TUSC3: variants seen among roughly 807,000 people sequenced by gnomAD.
TUSC3 encodes dolichyl-diphosphooligosaccharide--protein glycosyltransferase subunit TUSC3.
A neutral mutation model predicts 44.8 loss-of-function variants in TUSC3; 45 were observed. The ratio of observed to expected loss-of-function variants is 1.00; its 90% CI spans 0.79 to 1.29. TUSC3 has a LOEUF of 1.29. Ranked by LOEUF, TUSC3 falls within the 50% of genes most tolerant of loss-of-function variation. The probability of loss-of-function intolerance (pLI) is 0.00; values close to 1 mark genes in which losing one functional copy is unlikely to be tolerated. For missense variants in TUSC3, 519 were observed against 437.9 expected, an observed-to-expected ratio of 1.19 and a Z score of -1.65; for synonymous variants, 212 against 152.9, an observed-to-expected ratio of 1.39 and a Z score of -2.85.
chr8:15,688,532 T>C (rs948187314), intron 6 of TUSC3, among the ~76,000 whole-genome samples: 1 of 152,026 alleles, frequency 6.6e-6, no homozygotes, highest in African/African-American at 2.4e-5. Context: ...GATTATTTCA[T>C]TGCCCAGGTA....
chr8:15,587,100 T>G (rs571186145), intron 1 of TUSC3, among the ~76,000 whole-genome samples: 1 of 152,294 alleles, frequency 6.6e-6, no homozygotes, highest in Non-Finnish European at 1.5e-5. Flanking sequence ...TCTGTTTTAT[T>G]TTGTCCTGAA....
At chr8:15,570,388 G>A (rs1802830691) in intron 1 of TUSC3, among the ~76,000 whole-genome samples, 2 of 151,760 alleles carry the variant, frequency 1.3e-5, no homozygotes, top group African/African-American at 2.4e-5. Context: ...GTATTCTTTG[G>A]TTTGAAATAA....
chr8:15,628,375 A>G (rs1476173584), intron 2 of TUSC3, among the ~76,000 whole-genome samples: 1 of 152,184 alleles, frequency 6.6e-6, no homozygotes, highest in Non-Finnish European at 1.5e-5. Flanking sequence ...TCATTTGTTA[A>G]ATACAGACCC....
chr8:15,645,904 T>C (rs1806604249), intron 2 of TUSC3, among the ~76,000 whole-genome samples: 1 of 152,140 alleles, frequency 6.6e-6, no homozygotes, highest in Non-Finnish European at 1.5e-5. Context: ...GTAGACTCTC[T>C]AGAATTCAGA....
chr8:15,490,810 A>C (rs920095586), intron 2 of TUSC3, among the ~76,000 whole-genome samples: 1 of 152,228 alleles, frequency 6.6e-6, no homozygotes, highest in African/African-American at 2.4e-5. Flanking sequence ...ATAACTTCAC[A>C]AGCTAGATTT....
chr8:15,626,670 C>T (rs1204173986), intron 2 of TUSC3, among the ~76,000 whole-genome samples: 3 of 152,178 alleles, frequency 2.0e-5, no homozygotes, highest in Admixed American at 6.5e-5. Flanking sequence ...CCTGGTCTCT[C>T]CCTGCTCTTG....
intron 2 of TUSC3, among the ~76,000 whole-genome samples, chr8:15,645,644 T>A (rs1030107516): frequency 3.9e-5 from 6 of 152,134 alleles, no homozygotes; most frequent in African/African-American, 1.4e-4. Context: ...GAGTATAAAT[T>A]TCACTGATGA....
At chr8:15,810,236 G>A in the TUSC3 span, among the ~76,000 whole-genome samples, 968 of 152,264 alleles carry the variant, frequency 6.4e-3, 11 homozygotes, top group African/African-American at 0.022. Context: ...GGTCGTTCAG[G>A]TGATTCTGCT....
chr8:15,764,467 A>G lies in TUSC3; in HGVS notation c.*311A>G. ...CAGTGTGTGCCACAGGATTGAAATA[A>G]ATGACAATGTAATTATGAATTCATG... On this transcript the variant is annotated 3_prime_UTR_variant, in exon 11 of 11. Transcript: ENST00000503731. 1 of 424,640 alleles carries G rather than the reference A, an allele frequency of 2.4e-6. No homozygotes were observed. The highest frequency in any genetic ancestry group is 2.7e-5 in the South Asian group (1 of 36,876). The allele number at this position is 424,640 out of a possible 1,614,324, so 26.3% of individuals were successfully genotyped here. A position where few individuals can be genotyped will look rare whatever the true frequency, so the allele number is the denominator to read the frequency against.
intron 1 of TUSC3, among the ~76,000 whole-genome samples, chr8:15,440,238 T>A (rs1017869074): frequency 1.3e-5 from 2 of 152,186 alleles, no homozygotes; most frequent in African/African-American, 4.8e-5. Context: ...CTGAGAACTT[T>A]ACGGGCAGTG....
chr8:15,562,897 G>A (rs1802532149), intron 1 of TUSC3, among the ~76,000 whole-genome samples: 1 of 152,138 alleles, frequency 6.6e-6, no homozygotes, highest in Non-Finnish European at 1.5e-5. Context: ...ATAACTCAGA[G>A]TTAATAGATT....
At chr8:15,784,517 C>CAT in the TUSC3 span, among the ~76,000 whole-genome samples, 2,670 of 143,430 alleles carry the variant, frequency 0.019, 34 homozygotes, top group East Asian at 0.076. Context: ...TGTGTGTGTG[C>CAT]ATATATATAT....
chr8:15,712,467 C>G (rs545131822), intron 6 of TUSC3, among the ~76,000 whole-genome samples: 1 of 152,130 alleles, frequency 6.6e-6, no homozygotes, highest in African/African-American at 2.4e-5. Flanking sequence ...CAGTTTCTCC[C>G]CTTCTCTTAT....
At chr8:15,604,487 G>C (rs7009035) in intron 1 of TUSC3, among the ~76,000 whole-genome samples, 2 of 151,296 alleles carry the variant, frequency 1.3e-5, no homozygotes, top group African/African-American at 4.8e-5. Flanking sequence ...TCTCAAAATA[G>C]TAGTTATTAA....
intron 1 of TUSC3, among the ~76,000 whole-genome samples, chr8:15,451,167 T>C (rs1585050660): frequency 6.6e-6 from 1 of 152,278 alleles, no homozygotes; most frequent in East Asian, 1.9e-4. Context: ...TAATAAGATA[T>C]AAGACACATA....
chr8:15,484,544 C>A (rs1264997202), intron 2 of TUSC3, among the ~76,000 whole-genome samples: 1 of 152,238 alleles, frequency 6.6e-6, no homozygotes, highest in East Asian at 1.9e-4. Context: ...GAAAATTATC[C>A]AACATGTCTA....
intron 2 of TUSC3, among the ~76,000 whole-genome samples, chr8:15,506,557 T>C (rs1801052885): frequency 2.6e-5 from 4 of 152,126 alleles, no homozygotes; most frequent in Non-Finnish European, 1.5e-5. Context: ...TCCACATGGC[T>C]GGGGAGGCCT....
chr8:15,480,143 C>A (rs930598913), intron 1 of TUSC3, among the ~76,000 whole-genome samples: 3 of 152,120 alleles, frequency 2.0e-5, no homozygotes, highest in Non-Finnish European at 2.9e-5. Flanking sequence ...AGGACCTATT[C>A]AAGGAGAACT....
downstream of TUSC3, among the ~76,000 whole-genome samples, chr8:15,767,164 GATGAT>G (rs1253993129): frequency 6.6e-6 from 1 of 152,058 alleles, no homozygotes; most frequent in Non-Finnish European, 1.5e-5. Flanking sequence ...TAAATTCCCT[GATGAT>G]ATAATTCACG....
Sources: allele counts gnomAD v4.1 joint callset (sites outside exome capture counted in the v4.1 genomes callset), GRCh38; gene constraint gnomAD v4.1.1; transcripts MANE v1.5; gene names NCBI Gene and HGNC (gene_info 2026-07-23, HGNC 2026-07-21).